The following NUMB variants were observed in gnomAD, a reference collection of about 807,000 sequenced individuals.
NUMB encodes the protein protein numb homolog.
NUMB carries 29 observed loss-of-function variants against 59.7 expected under a neutral mutation model. The ratio of observed to expected loss-of-function variants is 0.49; its 90% confidence interval spans 0.36 to 0.66. The LOEUF (loss-of-function observed/expected upper bound fraction) is 0.66. NUMB is among the 30% of genes least tolerant of loss of function. The probability of loss-of-function intolerance (pLI) is 0.00; values close to 1 mark genes in which losing one functional copy is unlikely to be tolerated. For synonymous variants in NUMB, 288 were observed against 288.2 expected, an observed-to-expected ratio of 1.00 and a Z score of 0.01; for missense variants, 723 against 822.0, an observed-to-expected ratio of 0.88 and a Z score of 1.47.
At chr14:73,444,837 C>A (rs1406046430) in intron 1 of NUMB, among the ~76,000 whole-genome samples, 5 of 132,486 alleles carry the variant, frequency 3.8e-5, no homozygotes. Flanking sequence ...AGCCTGGCAA[C>A]AGAGTGACAC....
In NUMB at chr14:73,355,713, A is replaced by T. The variant is rs1464367506; in HGVS notation, c.39T>A (p.Asp13Glu). 2.5e-6 allele frequency: 4 copies of T among 1,613,376 alleles called. No homozygotes were observed. The Admixed American group carries it at 6.7e-5, about 27-fold the overall frequency. ...KLRQSFRRKK[D>E]VYVPEASRPH... The stretch of plus-strand genomic sequence containing the variant: ...GACGACTGGCCTCTGGAACATAAAC[A>T]TCCTTCTTTCTCCTAAAACTTTGCC... The change falls in exon 4 of 13, where the codon GAT becomes GAA. Residue 13 changes from aspartate (D) to glutamate (E), a missense_variant. Physicochemically the swap from Asp to Glu is conservative, Grantham distance 45. Around this residue, in one of 2 missense-constraint regions of NUMB, gnomAD observed 317 missense variants for 436.6 expected, o/e 0.73. Transcript: ENST00000555238.
intron 1 of NUMB, among the ~76,000 whole-genome samples, chr14:73,421,169 TTTTGGTGTTTTTG>T (rs925212873): frequency 5.9e-5 from 9 of 152,148 alleles, no homozygotes; most frequent in Middle Eastern, 3.4e-3. Flanking sequence ...GAAAGTTTTT[TTTTGGTGTTTTTG>T]TTTGTTTGTT....
intron 5 of NUMB, among the ~76,000 whole-genome samples, chr14:73,320,722 T>C (rs940482189): frequency 1.3e-5 from 2 of 152,180 alleles, no homozygotes; most frequent in Non-Finnish European, 1.5e-5. Context: ...TTTGAGTTAC[T>C]ACTATGTGCC....
chr14:73,390,979 T>TA (rs1217802456), intron 2 of NUMB, among the ~76,000 whole-genome samples: 1 of 151,768 alleles, frequency 6.6e-6, no homozygotes, highest in Non-Finnish European at 1.5e-5. Flanking sequence ...TCTTGATACT[T>TA]ACAACAGGTT....
intron 4 of NUMB, among the ~76,000 whole-genome samples, chr14:73,334,367 T>C (rs1892173178): frequency 6.6e-6 from 1 of 152,216 alleles, no homozygotes; most frequent in African/African-American, 2.4e-5. Flanking sequence ...TAAGTTGTTG[T>C]AGCAGGATTT....
intron 2 of NUMB, among the ~76,000 whole-genome samples, chr14:73,368,557 T>C (rs2140049976): frequency 6.6e-6 from 1 of 151,060 alleles, no homozygotes; most frequent in East Asian, 1.9e-4. Flanking sequence ...CACTCCAGCC[T>C]GGGCAACAAG....
chr14:73,368,664 T>C (rs1381117320), intron 2 of NUMB, among the ~76,000 whole-genome samples: 4 of 152,110 alleles, frequency 2.6e-5, no homozygotes, highest in East Asian at 3.8e-4. Context: ...GTGTGTAATA[T>C]AGTCACAATA....
At chr14:73,283,939 T>C (rs1253799020) in intron 10 of NUMB, 142 bp downstream of exon 10, 25 of 752,126 alleles carry the variant, frequency 3.3e-5, no homozygotes, top group Non-Finnish European at 8.6e-6. Flanking sequence ...TTTCCCACTA[T>C]GGGAAATGAC....
chr14:73,346,207 C>A (rs1442264935), intron 4 of NUMB, among the ~76,000 whole-genome samples: 2 of 151,950 alleles, frequency 1.3e-5, no homozygotes, highest in South Asian at 2.1e-4. Context: ...AGGCTGGGTG[C>A]GGTGGCTCAT....
chr14:73,300,688 A>G (rs1890076681), intron 6 of NUMB, among the ~76,000 whole-genome samples: 1 of 152,184 alleles, frequency 6.6e-6, no homozygotes, highest in South Asian at 2.1e-4. Flanking sequence ...AATGTATACG[A>G]AAGGTTTAGA....
Position 73,283,359 on chromosome 14 carries a change from T to C in NUMB, c.949+722A>G, listed in dbSNP as rs567539838. On this transcript the variant is annotated intron_variant, in intron 10 of 12. Transcript: ENST00000555238. Reference sequence around the variant, plus strand: ...TTATACCATCAGTAGGAATGGCCTATTGAGACAGTTTCCTCATATTTTGTT... The same window carrying C: ...TTATACCATCAGTAGGAATGGCCTACTGAGACAGTTTCCTCATATTTTGTT... Among the ~76,000 whole-genome samples the C allele has an allele frequency of 5.5e-4, 84 of 152,298 alleles. 2 individuals are homozygous for C. In the South Asian group the frequency reaches 8.5e-3, roughly 15 times the overall value.
chr14:73,314,481 G>A (rs1320162068), intron 6 of NUMB, among the ~76,000 whole-genome samples: 1 of 152,114 alleles, frequency 6.6e-6, no homozygotes, highest in Non-Finnish European at 1.5e-5. Context: ...CCAACACAGT[G>A]TGATCCAGCT....
At chr14:73,314,606 A>G (rs1326097100) in intron 6 of NUMB, among the ~76,000 whole-genome samples, 1 of 152,162 alleles carries the variant, frequency 6.6e-6, no homozygotes, top group African/African-American at 2.4e-5. Flanking sequence ...GCTCCTGAGT[A>G]GCGTGCACCA....
intron 4 of NUMB, among the ~76,000 whole-genome samples, chr14:73,352,530 G>GGTTTTTTT (rs1555373807): frequency 9.9e-5 from 2 of 20,274 alleles, no homozygotes; most frequent in Admixed American, 9.9e-4. Flanking sequence ...ATATATATAT[G>GGTTTTTTT]TTTTTTTTTT....
At chr14:73,445,403 G>A (rs1218297138) in intron 1 of NUMB, among the ~76,000 whole-genome samples, 2 of 112,516 alleles carry the variant, frequency 1.8e-5, no homozygotes, top group Admixed American at 9.9e-5. Flanking sequence ...AAAACTTACA[G>A]CTGATTTATA....
chr14:73,458,396 A>C (rs1160257388), intron 1 of NUMB, 97 bp downstream of exon 1: 1 of 145,700 alleles, frequency 6.9e-6, no homozygotes, highest in African/African-American at 2.6e-5. Flanking sequence ...CCCGAAGTCC[A>C]GGCCCCCTTC....
Position 73,446,196 on chromosome 14 carries a change from T to C in NUMB, c.-233+12297A>G, listed in dbSNP as rs530308213. On this transcript the variant is annotated intron_variant, in intron 1 of 12. Coordinates refer to ENST00000555238, the MANE Select transcript of NUMB (RefSeq NM_001005743.2). ...ATTTTTAGTAGAGATGAAGTTTCAC[T>C]GTGTTGGCCAGGCTGGTCTCAAACT... 5.3e-5 allele frequency among the ~76,000 whole-genome samples: 8 copies of C among 152,094 alleles called. No homozygotes were observed. In the East Asian group the frequency reaches 5.8e-4, roughly 11 times the overall value.
At chr14:73,349,518 G>A (rs1440880413) in intron 4 of NUMB, among the ~76,000 whole-genome samples, 3 of 149,272 alleles carry the variant, frequency 2.0e-5, no homozygotes, top group African/African-American at 5.0e-5. Flanking sequence ...AGGCTGCAGT[G>A]AGCCGAGATC....
chr14:73,374,468 T>G (rs906144317), intron 2 of NUMB, among the ~76,000 whole-genome samples: 14 of 152,166 alleles, frequency 9.2e-5, no homozygotes, highest in African/African-American at 3.1e-4. Flanking sequence ...TTTCCTTCCT[T>G]CTTTCAGAGA....
Sources: gnomAD v4.1 joint callset for allele counts (sites outside exome capture counted in the v4.1 genomes callset) on GRCh38, gnomAD v4.1.1 for gene constraint, gnomAD v4.1.1 regional missense constraint, MANE v1.5 for transcripts, NCBI Gene and HGNC (gene_info 2026-07-23, HGNC 2026-07-21) for gene names.